SLC5A4: variants seen among roughly 807,000 people sequenced by gnomAD.
SLC5A4 encodes solute carrier family 5 member 4, also known as probable glucose sensor protein SLC5A4.
A neutral mutation model predicts 70.3 loss-of-function variants in SLC5A4; 55 were observed. The ratio of observed to expected loss-of-function variants is 0.78; its 90% CI spans 0.63 to 0.98. The LOEUF is 0.98. Ranked by LOEUF, SLC5A4 falls within the 50% of genes least tolerant of loss-of-function variation. The pLI is 0.00. For synonymous variants in SLC5A4, 268 were observed against 305.7 expected (o/e 0.88, Z 1.29); for missense variants, 735 against 839.2 (o/e 0.88, Z 1.53).
chr22:32,270,512 G>C, the SLC5A4 span: 1 of 721,494 alleles, frequency 1.4e-6, no homozygotes, highest in Non-Finnish European at 2.5e-6. Context: ...AATGACCACC[G>C]CAGACAGTGA....
At chr22:32,280,480 C>T in the SLC5A4 span, among the ~76,000 whole-genome samples, 1 of 152,164 alleles carries the variant, frequency 6.6e-6, no homozygotes, top group Non-Finnish European at 1.5e-5. Flanking sequence ...CGACACTGCT[C>T]AATGTCAACT....
At chr22:32,336,346 A>C in the SLC5A4 span, among the ~76,000 whole-genome samples, 1 of 152,340 alleles carries the variant, frequency 6.6e-6, no homozygotes, top group Middle Eastern at 3.4e-3. Context: ...CCTTTGTGGA[A>C]GCGTCTTTTT....
the SLC5A4 span, among the ~76,000 whole-genome samples, chr22:32,327,707 C>A: frequency 6.6e-6 from 1 of 151,760 alleles, no homozygotes; most frequent in Non-Finnish European, 1.5e-5. Context: ...CCCTGCAGAC[C>A]TGTCCTCCTG....
chr22:32,264,716 C>T, the SLC5A4 span, among the ~76,000 whole-genome samples: 2 of 152,198 alleles, frequency 1.3e-5, no homozygotes, highest in Non-Finnish European at 2.9e-5. Context: ...AAGTTGTAAT[C>T]ATACCCTGCA....
the SLC5A4 span, among the ~76,000 whole-genome samples, chr22:32,307,668 G>C: frequency 6.6e-6 from 1 of 152,218 alleles, no homozygotes; most frequent in Non-Finnish European, 1.5e-5. Context: ...TGAAGCACCA[G>C]TGTGGGACGT....
At chr22:32,300,288 T>C in the SLC5A4 span, among the ~76,000 whole-genome samples, 1 of 115,298 alleles carries the variant, frequency 8.7e-6, no homozygotes, top group Non-Finnish European at 1.9e-5. Context: ...CTCAGACTGC[T>C]GTGCTAGCTA....
chr22:32,265,683 T>C, the SLC5A4 span, among the ~76,000 whole-genome samples: 1 of 152,004 alleles, frequency 6.6e-6, no homozygotes, highest in African/African-American at 2.4e-5. Context: ...CTACTAAAAA[T>C]ACAAAAATTA....
At chr22:32,311,189 G>A in the SLC5A4 span, among the ~76,000 whole-genome samples, 6 of 152,236 alleles carry the variant, frequency 3.9e-5, no homozygotes, top group East Asian at 7.7e-4. Context: ...CAGAACACTC[G>A]CCGCCCTTGC....
the SLC5A4 span, among the ~76,000 whole-genome samples, chr22:32,306,530 C>CATT: frequency 2.0e-5 from 3 of 151,516 alleles, no homozygotes; most frequent in African/African-American, 7.3e-5. Flanking sequence ...GTGAAAAACT[C>CATT]ATTATTGTTA....
At chr22:32,259,802 C>A (rs1032542623), upstream of SLC5A4, among the ~76,000 whole-genome samples, 1 of 152,168 alleles carries the variant, frequency 6.6e-6, no homozygotes, top group African/African-American at 2.4e-5. Flanking sequence ...GGGTACCATT[C>A]ACCAGTGAGT....
At chr22:32,269,726 C>T in the SLC5A4 span, 1 of 626,848 alleles carries the variant, frequency 1.6e-6, no homozygotes, top group Middle Eastern at 2.7e-4. The surrounding 1 kb of genome is among the most constrained non-coding windows in gnomAD (Gnocchi z 4.1). Flanking sequence ...TCACCACAGG[C>T]ACCGCAGCTT....
chr22:32,224,451 G>C lies in SLC5A4; in HGVS notation c.1481C>G (p.Ala494Gly), dbSNP rs1925277667. 6.2e-7 allele frequency: 1 copy of C among 1,613,854 alleles called. No homozygotes were observed. The highest frequency in any genetic ancestry group is 8.5e-7 in the Non-Finnish European group (1 of 1,179,916). ...GAFWGLMVGL[A>G]MGLIRMITEF... ...TGTTATCATACGAATGAGGCCCATT[G>C]CAAGTCCAACCATTAGACCCCAGAA... The change falls in exon 13 of 15, where the codon GCA (alanine) becomes GGA (glycine). Residue 494 changes from alanine to glycine, a missense_variant. By Grantham distance (60) the Ala-to-Gly change is moderately conservative (BLOSUM62 0). Coordinates refer to ENST00000266086, the MANE Select transcript of SLC5A4 (RefSeq NM_014227.3).
At chr22:32,262,662 C>A in the SLC5A4 span, among the ~76,000 whole-genome samples, 1 of 152,120 alleles carries the variant, frequency 6.6e-6, no homozygotes, top group African/African-American at 2.4e-5. Flanking sequence ...TTTGTTTAGA[C>A]TCTAAGTTCT....
At chr22:32,312,591 C>T in the SLC5A4 span, among the ~76,000 whole-genome samples, 16 of 152,230 alleles carry the variant, frequency 1.1e-4, no homozygotes, top group Admixed American at 3.9e-4. Context: ...ACAGGACTAT[C>T]GCTTGTGGAC....
the SLC5A4 span, among the ~76,000 whole-genome samples, chr22:32,282,412 C>T: frequency 7.3e-6 from 1 of 137,248 alleles, no homozygotes; most frequent in South Asian, 2.4e-4. Context: ...CTGCTGCTCT[C>T]AGCCTCGCTC....
At chr22:32,266,848 A>T in the SLC5A4 span, among the ~76,000 whole-genome samples, 5 of 152,242 alleles carry the variant, frequency 3.3e-5, no homozygotes, top group Admixed American at 6.5e-5. Context: ...ATCATAATGC[A>T]GAAAAAATAT....
At chr22:32,303,001 T>C in the SLC5A4 span, among the ~76,000 whole-genome samples, 6 of 152,084 alleles carry the variant, frequency 3.9e-5, no homozygotes, top group African/African-American at 9.6e-5. Flanking sequence ...CAGTGTTTTC[T>C]CTTTTTTAAA....
At chr22:32,224,049 C>T (rs763522646) in intron 13 of SLC5A4, among the ~76,000 whole-genome samples, 6 of 151,988 alleles carry the variant, frequency 3.9e-5, no homozygotes, top group Non-Finnish European at 7.4e-5. Flanking sequence ...GCCTCCCGAG[C>T]AGCTGGGATT....
chr22:32,260,724 A>C, the SLC5A4 span, among the ~76,000 whole-genome samples: 1 of 152,082 alleles, frequency 6.6e-6, no homozygotes, highest in Non-Finnish European at 1.5e-5. Context: ...AGATAAAACA[A>C]ACTATTAAAA....
Sources: gnomAD v4.1 joint callset for allele counts (sites outside exome capture counted in the v4.1 genomes callset) on GRCh38, gnomAD v4.1.1 for gene constraint, Gnocchi (gnomAD v3.1) non-coding constraint, MANE v1.5 for transcripts, NCBI Gene and HGNC (gene_info 2026-07-23, HGNC 2026-07-21) for gene names.